Variants in LONP2 observed in about 807,000 individuals in gnomAD.
LONP2 encodes lon peptidase 2, peroxisomal.
Under a neutral mutation model 85.6 loss-of-function variants are expected in LONP2, and 60 were observed. That is an observed-to-expected ratio of 0.70 (90% confidence interval 0.57 to 0.87). The LOEUF is 0.87. Among genes scored for constraint, LONP2 ranks in the 40% least tolerant of loss-of-function variants. The pLI is 0.00. For synonymous variants in LONP2, 395 were observed against 389.7 expected (o/e 1.01, Z -0.16); for missense variants, 860 against 1,063.5 (o/e 0.81, Z 2.66).
At chr16:48,276,338 T>C (rs1408421324) in intron 7 of LONP2, among the ~76,000 whole-genome samples, 1 of 152,236 alleles carries the variant, frequency 6.6e-6, no homozygotes, top group African/African-American at 2.4e-5. Flanking sequence ...AAATCAGGCC[T>C]GCTCTGTGAA....
In LONP2 at chr16:48,315,990, T is replaced by C. The variant is rs565110224; in HGVS notation, c.1795+12685T>C. On this transcript the variant is annotated intron_variant, in intron 11 of 14. Coordinates refer to ENST00000285737, the MANE Select transcript of LONP2 (RefSeq NM_031490.5). ...TTTTTTTTTTTTTTTTTTTTACTTTTAGAATGGCCACTGGATATTTTTTTT... is the reference window on the plus strand; with the variant it reads ...TTTTTTTTTTTTTTTTTTTTACTTTCAGAATGGCCACTGGATATTTTTTTT... Among the ~76,000 whole-genome samples, 21 of 150,096 alleles carry C rather than the reference T, an allele frequency of 1.4e-4. No homozygotes were observed. The East Asian group carries it at 3.9e-3, about 28-fold the overall frequency.
chr16:48,296,429 T>C (rs1320706448), intron 9 of LONP2, among the ~76,000 whole-genome samples: 1 of 152,198 alleles, frequency 6.6e-6, no homozygotes, highest in African/African-American at 2.4e-5. Context: ...TTCTTTAGTA[T>C]AATTTCTAAA....
chr16:48,340,346 G>GA (rs1959776466), intron 12 of LONP2, among the ~76,000 whole-genome samples: 1 of 152,018 alleles, frequency 6.6e-6, no homozygotes, highest in South Asian at 2.1e-4. Flanking sequence ...TACTAAAAAA[G>GA]AAAAAACAAA....
At chr16:48,264,140 C>T (rs1971937146) in intron 6 of LONP2, among the ~76,000 whole-genome samples, 1 of 152,176 alleles carries the variant, frequency 6.6e-6, no homozygotes, top group Non-Finnish European at 1.5e-5. Context: ...AATGAAGTTT[C>T]GGGCACCATT....
At chr16:48,326,635 T>G (rs770970271) in intron 11 of LONP2, among the ~76,000 whole-genome samples, 34 of 152,178 alleles carry the variant, frequency 2.2e-4, no homozygotes, top group Admixed American at 1.3e-4. Context: ...GTTTCTGGCC[T>G]CCCTGCTACT....
At chr16:48,333,070 G>A (rs558456767) in intron 11 of LONP2, among the ~76,000 whole-genome samples, 27 of 152,234 alleles carry the variant, frequency 1.8e-4, no homozygotes, top group African/African-American at 2.6e-4. Flanking sequence ...GAACAATTAC[G>A]GCAAACTAAA....
At chr16:48,271,349 G>T (rs1596929994) in intron 7 of LONP2, among the ~76,000 whole-genome samples, 1 of 152,178 alleles carries the variant, frequency 6.6e-6, no homozygotes, top group Non-Finnish European at 1.5e-5. Flanking sequence ...CATAGCAATT[G>T]TAAGTTGTGA....
At chr16:48,300,389 G>A (rs937133796) in intron 10 of LONP2, among the ~76,000 whole-genome samples, 10 of 152,204 alleles carry the variant, frequency 6.6e-5, no homozygotes, top group African/African-American at 2.4e-4. Context: ...TCTGAATAGA[G>A]TATTGCTTAG....
chr16:48,290,031 T>C (rs1350907028), intron 8 of LONP2, among the ~76,000 whole-genome samples: 1 of 152,192 alleles, frequency 6.6e-6, no homozygotes, highest in East Asian at 1.9e-4. Flanking sequence ...GGAGGAGGAA[T>C]CTAAATCTTT....
At chr16:48,325,330 G>T (rs1206296584) in intron 11 of LONP2, among the ~76,000 whole-genome samples, 1 of 152,120 alleles carries the variant, frequency 6.6e-6, no homozygotes, top group Non-Finnish European at 1.5e-5. Flanking sequence ...AGGGTTTGGG[G>T]ACCCCTGCAG....
chr16:48,271,784 G>A (rs59247940), intron 7 of LONP2, among the ~76,000 whole-genome samples: 2,086 of 152,224 alleles, frequency 0.014, 48 homozygotes, highest in African/African-American at 0.047. Flanking sequence ...ACAATGAGGC[G>A]TGCAGATCAG....
intron 12 of LONP2, among the ~76,000 whole-genome samples, chr16:48,347,027 G>A (rs181565598): frequency 5.7e-4 from 87 of 152,062 alleles, no homozygotes; most frequent in African/African-American, 2.0e-3. Context: ...GCCTGTGTGC[G>A]CCCATAGTAC....
chr16:48,314,823 G>A (rs1973108632), intron 11 of LONP2, among the ~76,000 whole-genome samples: 1 of 152,096 alleles, frequency 6.6e-6, no homozygotes, highest in Non-Finnish European at 1.5e-5. Context: ...TGTTGGTAGT[G>A]TATGACAATG....
intron 6 of LONP2, among the ~76,000 whole-genome samples, chr16:48,267,642 G>A (rs1395409817): frequency 2.0e-5 from 3 of 151,958 alleles, no homozygotes; most frequent in Non-Finnish European, 2.9e-5. Context: ...TTGAGATGGT[G>A]TCTTGCCCTG....
At chr16:48,362,321 C>T (rs372493841), downstream of LONP2, 59 of 1,614,030 alleles carry the variant, frequency 3.7e-5, 1 homozygote, top group African/African-American at 3.3e-4. The surrounding 1 kb of genome is among the most constrained non-coding windows in gnomAD (Gnocchi z 4.2). Context: ...CAAAAAGACT[C>T]GCCAAGTCAT....
intron 11 of LONP2, among the ~76,000 whole-genome samples, chr16:48,320,285 G>A (rs1352006002): frequency 6.6e-6 from 1 of 151,996 alleles, no homozygotes; most frequent in Non-Finnish European, 1.5e-5. Flanking sequence ...TTAGAAGTTT[G>A]GATTCGGTTT....
At chr16:48,330,533 T>C (rs1004248985) in intron 11 of LONP2, among the ~76,000 whole-genome samples, 1 of 152,232 alleles carries the variant, frequency 6.6e-6, no homozygotes, top group African/African-American at 2.4e-5. Flanking sequence ...AAGGTGCACA[T>C]ATAACCGGGG....
chr16:48,351,687 T>G lies in LONP2; in HGVS notation c.2444T>G (p.Val815Gly). 2 of 1,614,208 alleles carry G rather than the reference T, an allele frequency of 1.2e-6. No homozygotes were observed. Among genetic ancestry groups the G allele is most frequent in the Non-Finnish European group, 8.5e-7 (1 of 1,180,024 alleles). ...GACCTTGAGGGAATCCCAGGCAACG[T>G]ACGACAGGATTTAAGTTTTGTCACA... ...EKDLEGIPGN[V>G]RQDLSFVTAS... The change falls in exon 15 of 15, where the codon GTA (valine) becomes GGA (glycine). Residue 815 changes from valine to glycine, a missense_variant. Around this residue, in one of 3 missense-constraint regions of LONP2, gnomAD observed 115 missense variants for 129.0 expected, o/e 0.89. Coordinates refer to ENST00000285737, the MANE Select transcript of LONP2 (RefSeq NM_031490.5).
chr16:48,249,348 A>G (rs561065366), intron 1 of LONP2, among the ~76,000 whole-genome samples: 2 of 152,228 alleles, frequency 1.3e-5, no homozygotes, highest in Non-Finnish European at 2.9e-5. Context: ...AATAATGCAC[A>G]TACAATAGAA....
Sources: allele counts gnomAD v4.1 joint callset (sites outside exome capture counted in the v4.1 genomes callset), GRCh38; gene constraint gnomAD v4.1.1; regional missense constraint gnomAD v4.1.1; non-coding constraint Gnocchi (gnomAD v3.1); transcripts MANE v1.5; gene names NCBI Gene and HGNC (gene_info 2026-07-23, HGNC 2026-07-21).